The following AKAP13 variants were observed in gnomAD, a reference collection of about 807,000 sequenced individuals.
AKAP13 encodes A-kinase anchoring protein 13.
AKAP13 carries 80 observed loss-of-function variants against 264.5 expected under a neutral mutation model. The observed-to-expected ratio is 0.30, with a 90% CI of 0.25 to 0.36. AKAP13 has a LOEUF of 0.36. Among genes scored for constraint, AKAP13 ranks in the 10% least tolerant of loss-of-function variants. The pLI, the probability that AKAP13 is intolerant of heterozygous loss-of-function variation, is 1.00. For missense variants in AKAP13, 3,712 were observed against 3,435.2 expected, an observed-to-expected ratio of 1.08 and a Z score of -2.01; for synonymous variants, 1,380 against 1,250.2, an observed-to-expected ratio of 1.10 and a Z score of -2.19.
intron 8 of AKAP13, chr15:85,619,378 A>T: frequency 3.0e-6 from 3 of 985,224 alleles, no homozygotes; most frequent in Non-Finnish European, 3.6e-6. Context: ...GTACAGCAGG[A>T]GTGGTCTTTT....
At chr15:85,447,402 A>G (rs1259858549) in intron 1 of AKAP13, among the ~76,000 whole-genome samples, 3 of 152,150 alleles carry the variant, frequency 2.0e-5, no homozygotes, top group Non-Finnish European at 4.4e-5. Context: ...GTTTGGGGAT[A>G]CATGTTAAGG....
At chr15:85,575,741 C>T (rs1185130181) in intron 6 of AKAP13, among the ~76,000 whole-genome samples, 1 of 151,820 alleles carries the variant, frequency 6.6e-6, no homozygotes. Context: ...TGCCTGTAAT[C>T]CCAGCACTTT....
intron 12 of AKAP13, among the ~76,000 whole-genome samples, chr15:85,663,645 C>T (rs2083458811): frequency 6.6e-6 from 1 of 152,168 alleles, no homozygotes; most frequent in South Asian, 2.1e-4. Context: ...AGAACATGGT[C>T]AGCTACAGCT....
intron 1 of AKAP13, chr15:85,381,834 C>T (rs186140647): frequency 1.3e-4 from 20 of 152,164 alleles, no homozygotes; most frequent in African/African-American, 4.3e-4. Context: ...GTAGTCCCCC[C>T]CACAACAAGT....
chr15:85,582,800 A>AG (rs888453595), intron 7 of AKAP13: 12 of 882,898 alleles, frequency 1.4e-5, no homozygotes, highest in African/African-American at 5.4e-5. Context: ...TGCACAGTGC[A>AG]GGGGATAGGA....
chr15:85,719,387 T>G, intron 23 of AKAP13, 61 bp downstream of exon 23: 263 of 1,582,364 alleles, frequency 1.7e-4, no homozygotes, highest in Non-Finnish European at 2.1e-4. Flanking sequence ...GTCATGGGGT[T>G]CCACAGCCAT....
intron 2 of AKAP13, among the ~76,000 whole-genome samples, chr15:85,520,893 A>G (rs1301361739): frequency 3.3e-5 from 5 of 152,238 alleles, no homozygotes; most frequent in African/African-American, 4.8e-5. Flanking sequence ...GCTGGAGCCC[A>G]AGCTCGTCTT....
Position 85,734,190 on chromosome 15 carries a change from G to A in AKAP13, c.7283-802G>A, listed in dbSNP as rs193169685. ...ACCTATTTTATGGACATGTCTTTCC[G>A]ATGTGCTTTTATTATCTGTAGAGAA... is the stretch of plus-strand genomic sequence containing the variant. On this transcript the variant is annotated intron_variant, in intron 30 of 36. Transcript: ENST00000394518. Among the ~76,000 whole-genome samples the A allele has an allele frequency of 4.4e-3, 662 of 152,146 alleles. 9 individuals carry two copies. The highest frequency in any genetic ancestry group is 0.015 in the African/African-American group (641 of 41,524).
intron 33 of AKAP13, 91 bp from the exon 34 acceptor site, chr15:85,740,131 A>G (rs1225108369): frequency 1.5e-6 from 2 of 1,324,302 alleles, no homozygotes; most frequent in Middle Eastern, 1.8e-4. Flanking sequence ...TGTATCTTAA[A>G]GGAGCCATCT....
chr15:85,636,702 C>T (rs1340881831), intron 8 of AKAP13, among the ~76,000 whole-genome samples: 9 of 151,838 alleles, frequency 5.9e-5, no homozygotes, highest in Admixed American at 5.2e-4. Context: ...GCAACCTCTG[C>T]CTCCTGGGTT....
At chr15:85,699,935 T>C (rs1048584813) in intron 17 of AKAP13, among the ~76,000 whole-genome samples, 1 of 152,206 alleles carries the variant, frequency 6.6e-6, no homozygotes. Context: ...CCAAAGAATC[T>C]TGTGCTATAG....
At chr15:85,729,883 A>G (rs1159420538) in intron 29 of AKAP13, among the ~76,000 whole-genome samples, 1 of 152,054 alleles carries the variant, frequency 6.6e-6, no homozygotes, top group African/African-American at 2.4e-5. Context: ...GGTGGAGGTT[A>G]CGGTGAGCCA....
At chr15:85,509,495 C>G (rs1450361584) in intron 2 of AKAP13, among the ~76,000 whole-genome samples, 6 of 151,952 alleles carry the variant, frequency 3.9e-5, no homozygotes, top group Non-Finnish European at 8.8e-5. Flanking sequence ...TTTTTTTCTT[C>G]TGGTAGGATT....
At chr15:85,434,217 C>G (rs2073161080) in intron 1 of AKAP13, among the ~76,000 whole-genome samples, 1 of 151,980 alleles carries the variant, frequency 6.6e-6, no homozygotes, top group African/African-American at 2.4e-5. Flanking sequence ...GACGGACGCA[C>G]CTGGAAAATC....
At chr15:85,540,882 A>G (rs1269328961) in intron 4 of AKAP13, among the ~76,000 whole-genome samples, 1 of 152,236 alleles carries the variant, frequency 6.6e-6, no homozygotes, top group African/African-American at 2.4e-5. Context: ...TACTACTGCT[A>G]CATGCAGCAA....
chr15:85,696,991 C>T (rs1016449195), intron 17 of AKAP13, among the ~76,000 whole-genome samples: 2 of 152,160 alleles, frequency 1.3e-5, no homozygotes, highest in African/African-American at 4.8e-5. Flanking sequence ...ATCTGGAGTC[C>T]AAGTTTACAC....
rs191040167 is a variant in AKAP13 at position 85,735,764 on chromosome 15, A to C, written c.7512+134A>C. The C allele has an allele frequency of 3.7e-5, 36 of 979,786 alleles. No homozygotes were observed. In the East Asian group the frequency reaches 9.2e-4, roughly 25 times the overall value. The allele number at this position is 979,786 out of a possible 1,614,324, so 60.7% of individuals were successfully genotyped here. On this transcript the variant is annotated intron_variant, in intron 32 of 36. Coordinates refer to ENST00000394518, the MANE Select transcript of AKAP13 (RefSeq NM_007200.5). The stretch of plus-strand genomic sequence containing the variant: ...TTTAATAAAATTATTTTCAGGGAAA[A>C]TCACATTTTTAAAACAAATAGTACA...
intron 8 of AKAP13, among the ~76,000 whole-genome samples, chr15:85,610,697 C>T (rs1481077953): frequency 1.3e-5 from 2 of 152,176 alleles, no homozygotes; most frequent in South Asian, 4.1e-4. Context: ...GCTTAAGGGC[C>T]GGGCGTGGTG....
At chr15:85,555,708 A>G (rs556497953) in intron 5 of AKAP13, among the ~76,000 whole-genome samples, 44 of 152,312 alleles carry the variant, frequency 2.9e-4, no homozygotes, top group African/African-American at 1.1e-3. Context: ...TTTCTTGCGC[A>G]TGCTAGGCAA....
Sources: allele counts gnomAD v4.1 joint callset (sites outside exome capture counted in the v4.1 genomes callset), GRCh38; gene constraint gnomAD v4.1.1; transcripts MANE v1.5; gene names NCBI Gene and HGNC (gene_info 2026-07-23, HGNC 2026-07-21).